Variants in NRP2 observed in about 807,000 individuals in gnomAD.
The protein encoded by NRP2 is neuropilin-2.
A neutral mutation model predicts 110.4 loss-of-function variants in NRP2; 52 were observed. The ratio of observed to expected loss-of-function variants is 0.47; its 90% CI spans 0.38 to 0.59. The LOEUF (loss-of-function observed/expected upper bound fraction) is 0.59, where lower values mean the gene tolerates loss of function less well. Ranked by LOEUF, NRP2 falls within the 20% of genes least tolerant of loss-of-function variation. The pLI, the probability that NRP2 is intolerant of heterozygous loss-of-function variation, is 0.00. For missense variants in NRP2, 1,049 were observed against 1,203.0 expected (o/e 0.87, Z 1.89); for synonymous variants, 508 against 468.9 (o/e 1.08, Z -1.08).
chr2:205,790,524 T>A lies in NRP2; in HGVS notation c.2426-1711T>A, dbSNP rs1487830781. On this transcript the variant is annotated intron_variant, in intron 15 of 16. Coordinates refer to ENST00000357785, the MANE Select transcript of NRP2 (RefSeq NM_003872.3). ...GTCACTGGCAGGAGCCCCGTGGTTCTCATCCTAGGCTGATTCACATATTCT... is the reference window on the plus strand; with the variant it reads ...GTCACTGGCAGGAGCCCCGTGGTTCACATCCTAGGCTGATTCACATATTCT... 1.1e-4 allele frequency among the ~76,000 whole-genome samples: 16 copies of A among 152,334 alleles called. No homozygotes were observed. In the East Asian group the frequency reaches 3.1e-3, roughly 29 times the overall value.
intron 11 of NRP2, among the ~76,000 whole-genome samples, chr2:205,750,443 G>A (rs1031765404): frequency 1.3e-5 from 2 of 152,308 alleles, no homozygotes; most frequent in African/African-American, 4.8e-5. Context: ...ATGTAAAAAG[G>A]CATCTTCAAC....
At chr2:205,778,940 T>G (rs971035027) in intron 15 of NRP2, 1 of 152,168 alleles carries the variant, frequency 6.6e-6, no homozygotes, top group African/African-American at 2.4e-5. Flanking sequence ...ATTTTCATAG[T>G]GTTATCCAGG....
At chr2:205,783,538 C>T (rs1339485355) in intron 15 of NRP2, among the ~76,000 whole-genome samples, 1 of 152,236 alleles carries the variant, frequency 6.6e-6, no homozygotes, top group East Asian at 1.9e-4. Context: ...ATTTGAGAGG[C>T]CTTGGACCAC....
At position 205,776,515 on chromosome 2, in the gene NRP2, TCGCA is replaced by T. The variant is rs527478913; in HGVS notation, c.2425+9714_2425+9717del. The stretch of plus-strand genomic sequence containing the variant: ...CATTAAGCTAGAGCAAGACCGTGGC[TCGCA>T]CTGCTGAGGGCCGAAGCAAGAACAG... On this transcript the variant is annotated intron_variant, in intron 15 of 16. Transcript: ENST00000357785. The T allele has an allele frequency of 0.044, 71,210 of 1,606,150 alleles. 1,731 individuals are homozygous for T. The highest frequency in any genetic ancestry group is 0.09 in the Middle Eastern group (548 of 6,062).
chr2:205,698,578 G>C (rs2056486918), intron 2 of NRP2, among the ~76,000 whole-genome samples: 1 of 152,138 alleles, frequency 6.6e-6, no homozygotes, highest in South Asian at 2.1e-4. Context: ...TTACTACCGA[G>C]GTCCCTAAAA....
intron 1 of NRP2, among the ~76,000 whole-genome samples, chr2:205,691,920 G>A (rs1459300885): frequency 2.0e-5 from 3 of 152,154 alleles, no homozygotes; most frequent in African/African-American, 4.8e-5. Flanking sequence ...ACATTTTACC[G>A]ATTAAATGAG....
Position 205,787,059 on chromosome 2 carries a change from G to A in NRP2, c.2426-5176G>A, listed in dbSNP as rs372752406. Among the ~76,000 whole-genome samples the A allele has an allele frequency of 6.6e-5, 10 of 152,188 alleles. No homozygotes were observed. In the East Asian group the frequency reaches 1.9e-3, roughly 29 times the overall value. On this transcript the variant is annotated intron_variant, in intron 15 of 16. Transcript: ENST00000357785. The stretch of plus-strand genomic sequence containing the variant: ...TCTTCAAAGAACCCTCATCAGAAAG[G>A]CCCTCGTACCTTTCTCATTTCCTTC...
At chr2:205,707,026 G>A (rs963918830) in intron 2 of NRP2, among the ~76,000 whole-genome samples, 5 of 152,176 alleles carry the variant, frequency 3.3e-5, no homozygotes, top group African/African-American at 1.2e-4. Context: ...CTGTAATCTG[G>A]TTCCCTTTCT....
At chr2:205,764,772 C>CCT (rs2057886166) in intron 13 of NRP2, among the ~76,000 whole-genome samples, 2 of 152,334 alleles carry the variant, frequency 1.3e-5, no homozygotes, top group African/African-American at 4.8e-5. Flanking sequence ...GCAAGGCATC[C>CCT]TGAGACCTTC....
At chr2:205,776,813 AG>A (rs1048313883) in intron 15 of NRP2, 23 of 1,325,396 alleles carry the variant, frequency 1.7e-5, no homozygotes, top group African/African-American at 3.0e-5. Flanking sequence ...CCACAACTCA[AG>A]GCTCAGCTGG....
At chr2:205,707,806 A>G (rs2056712062) in intron 2 of NRP2, among the ~76,000 whole-genome samples, 1 of 152,116 alleles carries the variant, frequency 6.6e-6, no homozygotes, top group Admixed American at 6.5e-5. Flanking sequence ...GTGAACACCT[A>G]TTCCGGAGGG....
At chr2:205,731,391 T>C (rs1158856597) in intron 7 of NRP2, among the ~76,000 whole-genome samples, 1 of 152,188 alleles carries the variant, frequency 6.6e-6, no homozygotes, top group Non-Finnish European at 1.5e-5. Context: ...ATTATGTACA[T>C]ACATACCAAG....
intron 3 of NRP2, among the ~76,000 whole-genome samples, chr2:205,716,790 A>C (rs1477742757): frequency 2.0e-5 from 3 of 152,042 alleles, no homozygotes; most frequent in Non-Finnish European, 4.4e-5. Flanking sequence ...TAATCTTTTC[A>C]TTGTTTGGAG....
At chr2:205,761,559 G>A (rs2057822035) in intron 12 of NRP2, 1 of 152,246 alleles carries the variant, frequency 6.6e-6, no homozygotes, top group African/African-American at 2.4e-5. Flanking sequence ...ATAGTTAGGA[G>A]AAGAACTAGC....
At chr2:205,766,719 C>T (rs1026777830) in intron 14 of NRP2, 64 bp from the exon 15 acceptor site, 2 of 1,404,844 alleles carry the variant, frequency 1.4e-6, no homozygotes, top group Admixed American at 1.7e-5. Context: ...CAATTATTCA[C>T]TCTATGTTCA....
At chr2:205,746,764 C>G (rs890428710) in intron 10 of NRP2, among the ~76,000 whole-genome samples, 1 of 152,206 alleles carries the variant, frequency 6.6e-6, no homozygotes, top group African/African-American at 2.4e-5. Flanking sequence ...CGGGCTCAGC[C>G]GGCAGGATGG....
intron 1 of NRP2, among the ~76,000 whole-genome samples, chr2:205,688,562 A>G (rs1575534790): frequency 6.6e-6 from 1 of 152,192 alleles, no homozygotes; most frequent in African/African-American, 2.4e-5. Context: ...CTGGCCCTCC[A>G]GGAGAAAGCA....
At position 205,779,865 on chromosome 2, in the gene NRP2, C is replaced by T. The variant is rs575823579; in HGVS notation, c.2426-12370C>T. ...GGGTTTTCTCCTTGAGGCTGAATGC[C>T]AACTTTTCCTTCTTTTTATTTTTAT... On this transcript the variant is annotated intron_variant, in intron 15 of 16. Transcript: ENST00000357785. 3.3e-5 allele frequency among the ~76,000 whole-genome samples: 5 copies of T among 152,202 alleles called. No homozygotes were observed. The East Asian group carries it at 5.8e-4, about 18-fold the overall frequency.
chr2:205,711,883 C>T (rs1417426086), intron 2 of NRP2, among the ~76,000 whole-genome samples: 1 of 152,172 alleles, frequency 6.6e-6, no homozygotes, highest in Non-Finnish European at 1.5e-5. Flanking sequence ...GTTGACTAAC[C>T]CAGCCTTTGG....
Sources: gnomAD v4.1 joint callset for allele counts (sites outside exome capture counted in the v4.1 genomes callset) on GRCh38, gnomAD v4.1.1 for gene constraint, MANE v1.5 for transcripts, NCBI Gene and HGNC (gene_info 2026-07-23, HGNC 2026-07-21) for gene names.